COL10A1: variants seen among roughly 807,000 people sequenced by gnomAD.
COL10A1 encodes the protein collagen type X alpha 1 chain, also known as collagen alpha-1(X) chain.
Under a neutral mutation model 18.2 loss-of-function variants are expected in COL10A1, and 10 were observed. The observed-to-expected ratio is 0.55, with a 90% confidence interval of 0.34 to 0.93. COL10A1 has a LOEUF of 0.93. COL10A1 is among the 40% of genes least tolerant of loss of function. The pLI, the probability that COL10A1 is intolerant of heterozygous loss-of-function variation, is 0.02. For missense variants in COL10A1, 897 were observed against 853.5 expected, an observed-to-expected ratio of 1.05 and a Z score of -0.64; for synonymous variants, 330 against 316.6, an observed-to-expected ratio of 1.04 and a Z score of -0.45.
chr6:116,192,358 G>T, the COL10A1 span, among the ~76,000 whole-genome samples: 1 of 151,882 alleles, frequency 6.6e-6, no homozygotes, highest in South Asian at 2.1e-4. Flanking sequence ...TTCCGTTTTG[G>T]GTATACTCGA....
chr6:116,196,706 CTT>C, the COL10A1 span, among the ~76,000 whole-genome samples: 1 of 151,914 alleles, frequency 6.6e-6, no homozygotes, highest in African/African-American at 2.4e-5. Context: ...GCATTGCTGA[CTT>C]TTTCTGGGTT....
the COL10A1 span, among the ~76,000 whole-genome samples, chr6:116,181,095 G>A: frequency 2.3e-3 from 344 of 151,900 alleles, 2 homozygotes; most frequent in African/African-American, 8.1e-3. Flanking sequence ...AGAGGTACAC[G>A]AGATACATAT....
chr6:116,207,019 T>C, the COL10A1 span, among the ~76,000 whole-genome samples: 1 of 140,424 alleles, frequency 7.1e-6, no homozygotes, highest in South Asian at 2.1e-4. Flanking sequence ...AAATAAATAG[T>C]CTGATCACTT....
At chr6:116,181,057 T>C in the COL10A1 span, among the ~76,000 whole-genome samples, 1 of 151,304 alleles carries the variant, frequency 6.6e-6, no homozygotes, top group African/African-American at 2.4e-5. Flanking sequence ...TCATATGGTA[T>C]CTTGAATTTA....
At chr6:116,137,532 T>G (rs1289586153) in intron 1 of COL10A1, 1 of 212,816 alleles carries the variant, frequency 4.7e-6, no homozygotes, top group East Asian at 1.1e-4. Flanking sequence ...TTTCACAGTC[T>G]CCTCAAACAT....
chr6:116,201,540 T>C, the COL10A1 span, among the ~76,000 whole-genome samples: 1 of 151,984 alleles, frequency 6.6e-6, no homozygotes, highest in Non-Finnish European at 1.5e-5. Context: ...AGAACTTCAG[T>C]GAGGTGAGCA....
chr6:116,191,177 C>T, the COL10A1 span, among the ~76,000 whole-genome samples: 1 of 151,888 alleles, frequency 6.6e-6, no homozygotes, highest in Non-Finnish European at 1.5e-5. Context: ...CTCTGGAAGT[C>T]GATATCCTAA....
At chr6:116,209,878 C>T in the COL10A1 span, among the ~76,000 whole-genome samples, 1 of 151,872 alleles carries the variant, frequency 6.6e-6, no homozygotes, top group Non-Finnish European at 1.5e-5. Flanking sequence ...TGCTTCTGAA[C>T]GCAAGTTATT....
At chr6:116,181,880 T>C in the COL10A1 span, among the ~76,000 whole-genome samples, 1 of 152,146 alleles carries the variant, frequency 6.6e-6, no homozygotes, top group African/African-American at 2.4e-5. Context: ...TATTCAGTTT[T>C]CTATTTCAAT....
chr6:116,128,645 G>A (rs1393388718), upstream of COL10A1, among the ~76,000 whole-genome samples: 3 of 152,026 alleles, frequency 2.0e-5, no homozygotes, highest in African/African-American at 7.2e-5. Context: ...TAAATACTGG[G>A]TGAATAATAT....
upstream of COL10A1, among the ~76,000 whole-genome samples, chr6:116,127,905 GC>G (rs901660765): frequency 7.2e-5 from 11 of 152,062 alleles, no homozygotes; most frequent in African/African-American, 2.2e-4. Flanking sequence ...AATTTTCAGA[GC>G]CTTTCACTTT....
At chr6:116,140,735 CTGTA>C (rs1477909462) in intron 1 of COL10A1, among the ~76,000 whole-genome samples, 2 of 152,144 alleles carry the variant, frequency 1.3e-5, no homozygotes, top group African/African-American at 4.8e-5. Flanking sequence ...AGGAATTACA[CTGTA>C]TGTATCTGCT....
the COL10A1 span, among the ~76,000 whole-genome samples, chr6:116,168,996 C>A: frequency 6.6e-6 from 1 of 152,144 alleles, no homozygotes; most frequent in Non-Finnish European, 1.5e-5. Context: ...TTCTAATAAA[C>A]CCTGGAGAGT....
chr6:116,130,458 A>G (rs1249575923), upstream of COL10A1, among the ~76,000 whole-genome samples: 1 of 149,552 alleles, frequency 6.7e-6, no homozygotes, highest in Non-Finnish European at 1.5e-5. Flanking sequence ...AGTTTTTTTT[A>G]TAGCTTCTTT....
At chr6:116,145,982 A>G (rs935487177) in intron 1 of COL10A1, among the ~76,000 whole-genome samples, 2 of 152,146 alleles carry the variant, frequency 1.3e-5, no homozygotes, top group African/African-American at 2.4e-5. Context: ...CCAGGCAGAA[A>G]TCTTTCCTTA....
rs1779136176 is a variant in COL10A1 at position 116,121,744 on chromosome 6, T to G, written c.372A>C (p.Gly124=). The part of the protein sequence containing the change: ...PGKPGERGPY[G]PKGDVGPAGL... ...CAGCTGGTCCAACATCTCCTTTTGG[T>G]CCATATGGTCCTCTCTCTCCTGGTT... is the stretch of plus-strand genomic sequence containing the variant. The change falls in exon 3 of 3, where the codon GGA becomes GGC. Residue 124 remains glycine, a synonymous_variant. Coordinates refer to ENST00000651968, the MANE Select transcript of COL10A1 (RefSeq NM_000493.4). The G allele has an allele frequency of 6.2e-7, 1 of 1,613,822 alleles. No individual in the cohort carries two copies. Among genetic ancestry groups the G allele is most frequent in the Non-Finnish European group, 8.5e-7 (1 of 1,179,932 alleles).
the COL10A1 span, among the ~76,000 whole-genome samples, chr6:116,188,348 A>G: frequency 6.6e-6 from 1 of 152,086 alleles, no homozygotes; most frequent in Non-Finnish European, 1.5e-5. Context: ...AATATATACC[A>G]TCCAGAATGT....
intron 1 of COL10A1, among the ~76,000 whole-genome samples, chr6:116,133,345 A>T (rs963273205): frequency 7.2e-5 from 11 of 152,220 alleles, no homozygotes; most frequent in African/African-American, 9.6e-5. Context: ...AGGAGAAATT[A>T]TAGCAAATTA....
rs370005251 is a variant in COL10A1 at position 116,124,638 on chromosome 6, G to A, written c.154+701C>T. Among the ~76,000 whole-genome samples the A allele has an allele frequency of 4.6e-5, 7 of 152,248 alleles. No homozygotes were observed. In the East Asian group the frequency reaches 1.2e-3, roughly 25 times the overall value. The stretch of plus-strand genomic sequence containing the variant: ...ACAGGTATTAATTCATTTAAACTTC[G>A]CAGCAGCCCTTGAGATAGCTGCTCC... On this transcript the variant is annotated intron_variant, in intron 2 of 2. Transcript: ENST00000651968.
Sources: gnomAD v4.1 joint callset for allele counts (sites outside exome capture counted in the v4.1 genomes callset) on GRCh38, gnomAD v4.1.1 for gene constraint, MANE v1.5 for transcripts, NCBI Gene and HGNC (gene_info 2026-07-23, HGNC 2026-07-21) for gene names.